Variants in CUL2 observed in about 807,000 individuals in gnomAD.
CUL2 encodes the protein cullin 2, also known as cullin-2.
A neutral mutation model predicts 110.2 loss-of-function variants in CUL2; 22 were observed. The observed-to-expected ratio is 0.20, with a 90% CI of 0.14 to 0.28. The LOEUF (loss-of-function observed/expected upper bound fraction) is 0.28. Ranked by LOEUF, CUL2 falls within the 10% of genes least tolerant of loss-of-function variation. The probability of loss-of-function intolerance (pLI) is 1.00; values close to 1 mark genes in which losing one functional copy is unlikely to be tolerated. For synonymous variants in CUL2, 279 were observed against 293.2 expected, an observed-to-expected ratio of 0.95 and a Z score of 0.49; for missense variants, 631 against 905.5, an observed-to-expected ratio of 0.70 and a Z score of 3.89.
At chr10:35,071,602 G>A (rs949473553) in intron 1 of CUL2, among the ~76,000 whole-genome samples, 6 of 152,082 alleles carry the variant, frequency 3.9e-5, no homozygotes, top group Admixed American at 1.3e-4. Flanking sequence ...TAGAGACGGG[G>A]TTTCACTGTG....
chr10:35,115,477 T>C (rs1349217153), intron 1 of CUL2, among the ~76,000 whole-genome samples: 2 of 152,176 alleles, frequency 1.3e-5, no homozygotes, highest in Non-Finnish European at 2.9e-5. Context: ...GGAAAATCGC[T>C]TGAACCTGGG....
chr10:35,065,578 C>T (rs780483408), intron 2 of CUL2, among the ~76,000 whole-genome samples: 3 of 152,004 alleles, frequency 2.0e-5, no homozygotes, highest in Non-Finnish European at 4.4e-5. Flanking sequence ...AAGATCGCAC[C>T]ACTGCACTCC....
At chr10:35,071,609 T>A (rs552936585) in intron 1 of CUL2, among the ~76,000 whole-genome samples, 13 of 152,262 alleles carry the variant, frequency 8.5e-5, no homozygotes, top group African/African-American at 2.9e-4. Flanking sequence ...GGGGTTTCAC[T>A]GTGTTAGCCA....
In CUL2 at chr10:35,058,056, CCA is replaced by C. The variant is rs2086287568; in HGVS notation, c.317+2816_317+2817del. On this transcript the variant is annotated intron_variant, in intron 4 of 20. Transcript: ENST00000374749. ...GATGCTGCAGTGAGCCAAGATTGTG[CCA>C]CTGCACTCCAGCCGGGGAAACAGCG... 2.6e-5 allele frequency among the ~76,000 whole-genome samples: 4 copies of C among 152,258 alleles called. No homozygotes were observed. The South Asian group carries it at 8.3e-4, about 32-fold the overall frequency.
chr10:35,096,571 C>A (rs68039650), intron 2 of CUL2, among the ~76,000 whole-genome samples: 44,476 of 152,024 alleles, frequency 0.29, 7,043 homozygotes, highest in South Asian at 0.35. Flanking sequence ...TGTGATTATG[C>A]CACTGCACTA....
At chr10:35,012,274 T>G (rs923900455) in intron 19 of CUL2, among the ~76,000 whole-genome samples, 1 of 152,098 alleles carries the variant, frequency 6.6e-6, no homozygotes, top group Non-Finnish European at 1.5e-5. Context: ...ACATCTACAA[T>G]TTCTAGGGTT....
At chr10:35,040,376 T>C (rs1275653013) in intron 8 of CUL2, among the ~76,000 whole-genome samples, 2 of 152,142 alleles carry the variant, frequency 1.3e-5, no homozygotes, top group East Asian at 1.9e-4. Flanking sequence ...CACAGACAAA[T>C]GCACCGGCTT....
In CUL2 at chr10:35,062,828, C is replaced by T. The variant is rs187927339; in HGVS notation, c.222+132G>A. 1.3e-4 allele frequency: 78 copies of T among 608,460 alleles called. No homozygotes were observed. In the African/African-American group the frequency reaches 1.4e-3, roughly 11 times the overall value. The allele number at this position is 608,460 out of a possible 1,614,324, so 37.7% of individuals were successfully genotyped here. ...CCCTAGCCTGGGCAACAGAGCAAGACCCTGTATTTAAAAAAAGCAGCAGCA... is the reference window on the plus strand; with the variant it reads ...CCCTAGCCTGGGCAACAGAGCAAGATCCTGTATTTAAAAAAAGCAGCAGCA... On this transcript the variant is annotated intron_variant, in intron 3 of 20. Transcript: ENST00000374749.
At chr10:35,015,289 G>A (rs1482751758) in intron 18 of CUL2, among the ~76,000 whole-genome samples, 2 of 135,018 alleles carry the variant, frequency 1.5e-5, no homozygotes, top group East Asian at 2.1e-4. Flanking sequence ...GTGGAACTCC[G>A]TCTCAAAAAA....
chr10:35,111,303 GT>G (rs1377793596), intron 1 of CUL2, among the ~76,000 whole-genome samples: 1 of 151,478 alleles, frequency 6.6e-6, no homozygotes, highest in Admixed American at 6.6e-5. Context: ...CCCAACTGGA[GT>G]GCAGTGGTAC....
intron 1 of CUL2, among the ~76,000 whole-genome samples, chr10:35,089,716 T>C (rs1187339376): frequency 6.6e-6 from 1 of 152,170 alleles, no homozygotes; most frequent in Non-Finnish European, 1.5e-5. Flanking sequence ...ACAAGAAGTC[T>C]AGCATGCACG....
chr10:35,111,722 T>C (rs2087526191), intron 1 of CUL2, among the ~76,000 whole-genome samples: 1 of 152,126 alleles, frequency 6.6e-6, no homozygotes, highest in African/African-American at 2.4e-5. Context: ...AACTGGTCTC[T>C]ACTAAAAGTG....
intron 1 of CUL2, among the ~76,000 whole-genome samples, chr10:35,086,193 A>G (rs546798968): frequency 6.6e-6 from 1 of 152,094 alleles, no homozygotes; most frequent in East Asian, 1.9e-4. Flanking sequence ...TGTCTCAAAA[A>G]AAAAAAAGAA....
At chr10:35,095,819 C>T (rs1165016515) in intron 2 of CUL2, among the ~76,000 whole-genome samples, 1 of 152,080 alleles carries the variant, frequency 6.6e-6, no homozygotes, top group African/African-American at 2.4e-5. Flanking sequence ...CCTCAGCCTC[C>T]CAAAGAGTTG....
chr10:35,017,718 C>T (rs966950991), intron 17 of CUL2, among the ~76,000 whole-genome samples: 1 of 150,882 alleles, frequency 6.6e-6, no homozygotes, highest in African/African-American at 2.4e-5. Context: ...ATTCTATATG[C>T]TAAATGACCC....
intron 2 of CUL2, among the ~76,000 whole-genome samples, chr10:35,097,743 G>A (rs1040533139): frequency 6.6e-6 from 1 of 152,010 alleles, no homozygotes; most frequent in Non-Finnish European, 1.5e-5. Flanking sequence ...TGGATCACTT[G>A]AGGTCAGGAG....
At chr10:35,074,888 T>C (rs963333928) in intron 1 of CUL2, among the ~76,000 whole-genome samples, 5 of 152,232 alleles carry the variant, frequency 3.3e-5, no homozygotes, top group Non-Finnish European at 5.9e-5. Flanking sequence ...ATTAGAGTAC[T>C]TCATCGCTCT....
At chr10:35,123,634 C>T (rs1359235359) in intron 1 of CUL2, among the ~76,000 whole-genome samples, 1 of 152,094 alleles carries the variant, frequency 6.6e-6, no homozygotes, top group Admixed American at 6.5e-5. Flanking sequence ...AAAATCGTTT[C>T]AAGGTGTAGA....
intron 18 of CUL2, among the ~76,000 whole-genome samples, chr10:35,014,208 C>T (rs2084972109): frequency 6.6e-6 from 1 of 152,132 alleles, no homozygotes; most frequent in African/African-American, 2.4e-5. Context: ...ACAAATGCCG[C>T]AGTAACAAAA....
Sources: allele counts gnomAD v4.1 joint callset (sites outside exome capture counted in the v4.1 genomes callset), GRCh38; gene constraint gnomAD v4.1.1; transcripts MANE v1.5; gene names NCBI Gene and HGNC (gene_info 2026-07-23, HGNC 2026-07-21).